PUDP: variants seen among roughly 807,000 people sequenced by gnomAD.
The protein encoded by PUDP is pseudouridine 5'-phosphatase.
In PUDP, 8 loss-of-function variants were observed where a neutral mutation model predicts 9.4. That is an observed-to-expected ratio of 0.85 (90% CI 0.50 to 1.53). PUDP has a LOEUF of 1.53. Among genes scored for constraint, PUDP ranks in the 40% most tolerant of loss-of-function variants. PUDP has a pLI of 0.00. For missense variants in PUDP, 188 were observed against 189.7 expected, an observed-to-expected ratio of 0.99 and a Z score of 0.05; for synonymous variants, 99 against 80.7, an observed-to-expected ratio of 1.23 and a Z score of -1.22.
chrX:7,140,280 C>A lies in PUDP; in HGVS notation c.61+7773G>T, dbSNP rs1192010134. Among the ~76,000 whole-genome samples, 5 of 111,847 alleles carry A rather than the reference C, an allele frequency of 4.5e-5. No individual in the cohort carries two copies. In the East Asian group the frequency reaches 1.4e-3, roughly 31 times the overall value. On this transcript the variant is annotated intron_variant, in intron 1 of 3. Coordinates refer to ENST00000381077, the MANE Select transcript of PUDP (RefSeq NM_012080.5). ...GAAGCTCTTAATATATTAAATGCTG[C>A]ATTTATTAATCACTAAAATTCCCTT... is the stretch of plus-strand genomic sequence containing the variant.
intron 3 of PUDP, among the ~76,000 whole-genome samples, chrX:6,968,097 C>T (rs1928814474): frequency 8.9e-6 from 1 of 112,141 alleles, no homozygotes; most frequent in African/African-American, 3.2e-5. Context: ...TATCCTTGGG[C>T]CTTCATTCTG....
intron 1 of PUDP, among the ~76,000 whole-genome samples, chrX:7,143,425 G>C (rs9988267): frequency 8.9e-6 from 1 of 111,785 alleles, no homozygotes; most frequent in African/African-American, 3.3e-5. Context: ...AAAAGAAAAG[G>C]ATATTTTACA....
At chrX:6,810,199 C>A (rs1926120190) in intron 3 of PUDP, among the ~76,000 whole-genome samples, 1 of 111,183 alleles carries the variant, frequency 9.0e-6, no homozygotes, top group African/African-American at 3.3e-5. Flanking sequence ...AGATGAGGAC[C>A]AACAAACAAG....
chrX:6,995,339 C>T (rs1356671209), intron 1 of PUDP, among the ~76,000 whole-genome samples: 1 of 111,652 alleles, frequency 9.0e-6, no homozygotes, highest in Non-Finnish European at 1.9e-5. Flanking sequence ...AGGTAGAGTG[C>T]ACAGTCAACC....
Position 7,003,167 on chromosome X carries a change from A to G in PUDP, c.205-24824T>C, listed in dbSNP as rs1037939336. 1.2e-4 allele frequency among the ~76,000 whole-genome samples: 13 copies of G among 111,932 alleles called. No individual in the cohort carries two copies. The East Asian group carries it at 3.7e-3, about 32-fold the overall frequency. The stretch of plus-strand genomic sequence containing the variant: ...TTTTTTGAGTGTGACGATCTCTCCA[A>G]GTGTTTGAAATGGGTGGTCGGAGAG... On this transcript the variant is annotated intron_variant and NMD_transcript_variant, in intron 1 of 3. Coordinates refer to the PUDP transcript ENST00000655425.
At chrX:6,926,700 A>G in intron 3 of PUDP, among the ~76,000 whole-genome samples, 1 of 111,825 alleles carries the variant, frequency 8.9e-6, no homozygotes, top group East Asian at 2.8e-4. Flanking sequence ...AGAGCTACCA[A>G]AAATAAAACT....
At chrX:6,758,896 C>T (rs993439316) in intron 3 of PUDP, among the ~76,000 whole-genome samples, 1 of 111,903 alleles carries the variant, frequency 8.9e-6, no homozygotes. Context: ...GATAAAATTG[C>T]TGCACATGTA....
chrX:6,947,232 C>A (rs748963870), intron 3 of PUDP, among the ~76,000 whole-genome samples: 1 of 110,431 alleles, frequency 9.1e-6, no homozygotes, highest in Admixed American at 9.7e-5. Context: ...GAACTCCTGA[C>A]CTCAAGTGGA....
At chrX:7,070,937 C>T (rs373746736) in intron 3 of PUDP, among the ~76,000 whole-genome samples, 2 of 111,830 alleles carry the variant, frequency 1.8e-5, no homozygotes, top group South Asian at 3.8e-4. Context: ...CTATTATTCT[C>T]GGAGGAAAAG....
chrX:6,752,511 C>A (rs1925110909), intron 3 of PUDP, among the ~76,000 whole-genome samples: 1 of 111,689 alleles, frequency 9.0e-6, no homozygotes, highest in African/African-American at 3.3e-5. Flanking sequence ...TTATTAATAA[C>A]TAGGAAACTG....
chrX:7,025,517 T>A (rs1929697013), intron 1 of PUDP, among the ~76,000 whole-genome samples: 1 of 111,901 alleles, frequency 8.9e-6, no homozygotes, highest in South Asian at 3.7e-4. Flanking sequence ...TAGTACAACC[T>A]CCCAACTGTG....
intron 3 of PUDP, among the ~76,000 whole-genome samples, chrX:6,793,920 G>A (rs781014723): frequency 1.8e-5 from 2 of 111,583 alleles, no homozygotes; most frequent in South Asian, 7.5e-4. Flanking sequence ...CACTGTGTAT[G>A]TACTTCCTCT....
At chrX:6,744,775 A>G (rs1333874658) in intron 3 of PUDP, among the ~76,000 whole-genome samples, 2 of 111,576 alleles carry the variant, frequency 1.8e-5, no homozygotes, top group African/African-American at 6.5e-5. Flanking sequence ...ATGATACAAT[A>G]GTATCTCTTG....
rs148721586 is a variant in PUDP, at chrX:6,927,645, C to T, written c.*247+49488G>A. Among the ~76,000 whole-genome samples the T allele has an allele frequency of 2.9e-3, 327 of 111,538 alleles. 1 individual carries two copies. Among genetic ancestry groups the T allele is most frequent in the Admixed American group, 7.3e-3 (77 of 10,509 alleles). On this transcript the variant is annotated intron_variant and NMD_transcript_variant, in intron 3 of 3. Coordinates refer to the PUDP transcript ENST00000655425. ...CCCTAAAGGTTCACTGAAAAATCAC[C>T]GACATGAGGCAGACTGATTAAGAGG...
intron 3 of PUDP, among the ~76,000 whole-genome samples, chrX:6,931,141 G>A (rs1569125572): frequency 9.0e-6 from 1 of 111,034 alleles, no homozygotes; most frequent in Non-Finnish European, 1.9e-5. Flanking sequence ...TTCCTCAAAT[G>A]TCTTGTGCCT....
intron 3 of PUDP, among the ~76,000 whole-genome samples, chrX:6,733,073 C>T (rs1876128383): frequency 8.9e-6 from 1 of 112,485 alleles, no homozygotes; most frequent in Non-Finnish European, 1.9e-5. Flanking sequence ...TGGATTGAGC[C>T]ACTGGGCCTG....
intron 1 of PUDP, among the ~76,000 whole-genome samples, chrX:6,978,388 T>C (rs1928984938): frequency 8.9e-6 from 1 of 112,297 alleles, no homozygotes; most frequent in African/African-American, 3.2e-5. Flanking sequence ...GGATTTACAA[T>C]GTAAACACTA....
intron 1 of PUDP, among the ~76,000 whole-genome samples, chrX:7,025,015 A>C (rs1388955046): frequency 9.0e-6 from 1 of 111,173 alleles, no homozygotes; most frequent in Middle Eastern, 4.7e-3. Context: ...CCTGAATCTT[A>C]GCAACGCCTC....
intron 3 of PUDP, among the ~76,000 whole-genome samples, chrX:6,782,049 A>C (rs1239477696): frequency 9.0e-6 from 1 of 111,157 alleles, no homozygotes. Context: ...AGCCTATAAA[A>C]CCACATCGTG....
Sources: allele counts gnomAD v4.1 joint callset (sites outside exome capture counted in the v4.1 genomes callset), GRCh38; gene constraint gnomAD v4.1.1; transcripts MANE v1.5; gene names NCBI Gene and HGNC (gene_info 2026-07-23, HGNC 2026-07-21).